The following HSPG2 variants were observed in gnomAD, a reference collection of about 807,000 sequenced individuals.
HSPG2 encodes basement membrane-specific heparan sulfate proteoglycan core protein.
In HSPG2, 278 loss-of-function variants were observed where a neutral mutation model predicts 526.6. The ratio of observed to expected loss-of-function variants is 0.53; its 90% CI spans 0.48 to 0.58. HSPG2 has a LOEUF of 0.58. Among genes scored for constraint, HSPG2 ranks in the 20% least tolerant of loss-of-function variants. The pLI is 0.00. For missense variants in HSPG2, 5,354 were observed against 6,099.5 expected (o/e 0.88, Z 4.07); for synonymous variants, 2,465 against 2,555.4 (o/e 0.96, Z 1.07).
chr1:21,853,993 C>T lies in HSPG2; in HGVS notation c.6439+200G>A, dbSNP rs1257445841. ...TTCCTGACAAATTCTGAAACAGTCA[C>T]TCATAGGGAGCCCAGGTAAGCTGGA... On this transcript the variant is annotated intron_variant, in intron 50 of 96. Coordinates refer to ENST00000374695, the MANE Select transcript of HSPG2 (RefSeq NM_005529.7). 7.2e-5 allele frequency among the ~76,000 whole-genome samples: 11 copies of T among 152,128 alleles called. 1 individual carries two copies. The highest frequency in any genetic ancestry group is 2.7e-4 in the African/African-American group (11 of 41,422).
intron 74 of HSPG2, 107 bp downstream of exon 74, chr1:21,838,718 A>G: frequency 8.3e-7 from 1 of 1,197,888 alleles, no homozygotes; most frequent in Non-Finnish European, 1.2e-6. Context: ...AGGGCATTCC[A>G]GGTGGGGTTA....
rs765831159 is a variant in HSPG2, at chr1:21,828,034, T to C, written c.12528A>G (p.Gln4176=). 4.3e-6 allele frequency: 7 copies of C among 1,613,588 alleles called. No homozygotes were observed. Among genetic ancestry groups the C allele is most frequent in the South Asian group, 1.1e-5 (1 of 91,078 alleles). ...AGAGAAGCCAGGCCTGGGTACCTTG[T>C]TGGCAGCGTGGGCCAGAGAAGCCAG... ...CLPGFSGPRC[Q]QGSGHGIAES... Residue 4176 remains glutamine (Q), a synonymous_variant, in exon 90 of 97, where the codon CAA becomes CAG. Transcript: ENST00000374695. The surrounding 1 kb of genome is among the most constrained non-coding windows in gnomAD (Gnocchi z 6.0).
Position 21,822,304 on chromosome 1 carries a change from C to A in HSPG2, c.*1012G>T. ...GACAAAGACCACAGGAGGGTCCCTTCTAGGACACAGAGGCCAGGCGTCCCA... is the reference window on the plus strand; with the variant it reads ...GACAAAGACCACAGGAGGGTCCCTTATAGGACACAGAGGCCAGGCGTCCCA... On this transcript the variant is annotated 3_prime_UTR_variant, in exon 97 of 97. Coordinates refer to ENST00000374695, the MANE Select transcript of HSPG2 (RefSeq NM_005529.7). 1 of 1,399,600 alleles carries A rather than the reference C, an allele frequency of 7.1e-7. No homozygotes were observed. The highest frequency in any genetic ancestry group is 1.0e-6 in the Non-Finnish European group (1 of 989,530). The allele number at this position is 1,399,600 out of a possible 1,614,324, so 86.7% of individuals were successfully genotyped here. A position where few individuals can be genotyped will look rare whatever the true frequency, so the allele number is the denominator to read the frequency against.
chr1:21,825,934 C>T (rs1298680816), intron 91 of HSPG2, among the ~76,000 whole-genome samples: 1 of 151,934 alleles, frequency 6.6e-6, no homozygotes. Context: ...TACAGGTGTG[C>T]ACCACCACAC....
intron 1 of HSPG2, among the ~76,000 whole-genome samples, chr1:21,929,495 C>T (rs755168443): frequency 2.6e-4 from 39 of 151,968 alleles, no homozygotes; most frequent in Non-Finnish European, 4.9e-4. Context: ...GCAACCTCCA[C>T]CTCCTGGGCT....
chr1:21,848,937 G>A lies in HSPG2; in HGVS notation c.7541C>T (p.Ala2514Val), dbSNP rs1286620969. The change falls in exon 58 of 97, where the codon GCC becomes GTC. Residue 2514 changes from alanine to valine, a missense_variant. By Grantham distance (64) the Ala-to-Val change is moderately conservative. Coordinates refer to ENST00000374695, the MANE Select transcript of HSPG2 (RefSeq NM_005529.7). The surrounding 1 kb of genome is among the most constrained non-coding windows in gnomAD (Gnocchi z 4.9). ...RVVGSSGTQE[A>V]SVLVTIQQRL... ...CTGCTGGATGGTGACAAGGACTGAG[G>A]CTTCCTGGGTACCTGAGCTGCCGAC... The A allele has an allele frequency of 6.2e-7, 1 of 1,613,940 alleles. No individual in the cohort carries two copies. The highest frequency in any genetic ancestry group is 8.5e-7 in the Non-Finnish European group (1 of 1,179,994).
In HSPG2 at chr1:21,831,674, G is replaced by A. The variant is rs753507671; in HGVS notation, c.11330C>T (p.Ala3777Val). ...CACCTGGGAGGTCCCATTGACCGGG[G>A]CCAGGTCACCCACAATCAGGGAGCC... ...TQGSLIVGDLAPVNGTSQGKF... is the reference protein window; with the variant it reads ...TQGSLIVGDLVPVNGTSQGKF... The change falls in exon 82 of 97, where the codon GCC becomes GTC. Residue 3777 changes from alanine (A) to valine (V), a missense_variant. By Grantham distance (64) the Ala-to-Val change is moderately conservative. Transcript: ENST00000374695. 6 of 1,606,254 alleles carry A rather than the reference G, an allele frequency of 3.7e-6. No homozygotes were observed. The East Asian group carries it at 6.7e-5, about 18-fold the overall frequency.
rs1639534888 is a variant in HSPG2, at chr1:21,858,690, T to C, written c.5293+876A>G. On this transcript the variant is annotated intron_variant, in intron 42 of 96. Transcript: ENST00000374695. This position sits in a 1 kb window ranked among gnomAD's most constrained non-coding sequence, Gnocchi z 4.2. The stretch of plus-strand genomic sequence containing the variant: ...ACGCTTCCCACCCCCCGTGCCCACC[T>C]GCCTGACTTCTGCCAGCCACTGCAC... Among the ~76,000 whole-genome samples the C allele has an allele frequency of 6.6e-6, 1 of 152,264 alleles. No individual in the cohort carries two copies. The highest frequency in any genetic ancestry group is 2.4e-5 in the African/African-American group (1 of 41,470).
chr1:21,920,082 T>G (rs1643994004), intron 1 of HSPG2, among the ~76,000 whole-genome samples: 2 of 152,212 alleles, frequency 1.3e-5, no homozygotes, highest in South Asian at 2.1e-4. Context: ...AATTTTCATA[T>G]TTTTAGCAGA....
Position 21,884,805 on chromosome 1 carries a change from C to T in HSPG2, c.1469G>A (p.Gly490Asp), listed in dbSNP as rs1641765375. Residue 490 changes from glycine (G) to aspartate (D), a missense_variant, in exon 12 of 97, where the codon GGC becomes GAC. Gly to Asp is a moderately conservative substitution (Grantham distance 94, BLOSUM62 -1). Coordinates refer to ENST00000374695, the MANE Select transcript of HSPG2 (RefSeq NM_005529.7). ...GAGCTCAAGGACACCGTCAGGAATG[C>T]CAAACACCATGCCCCGGGCGTTCAT... ...EAMNARGMVFGIPDGVLELVP... is the reference protein window; with the variant it reads ...EAMNARGMVFDIPDGVLELVP... 1 of 1,613,636 alleles carries T rather than the reference C, an allele frequency of 6.2e-7. No homozygotes were observed. The highest frequency in any genetic ancestry group is 1.1e-5 in the South Asian group (1 of 91,088).
rs1364243687 is a variant in HSPG2, at chr1:21,850,441, C to T, written c.7216G>A (p.Val2406Met). 6.2e-6 allele frequency: 10 copies of T among 1,611,606 alleles called. No homozygotes were observed. The highest frequency in any genetic ancestry group is 4.4e-5 in the South Asian group (4 of 90,846). ...ACGGAGCTGCCCAACACTCGGCACA[C>T]GTACTCGCCCGAGTCGGCGGGGGAC... ...QASPADSGEY[V>M]CRVLGSSVPL... Residue 2406 changes from valine (V) to methionine (M), a missense_variant, in exon 56 of 97, where the codon GTG becomes ATG. Transcript: ENST00000374695.
In HSPG2 at chr1:21,851,859, G is replaced by T. The variant is rs1443439882; in HGVS notation, c.6938C>A (p.Ala2313Asp). 6.2e-7 allele frequency: 1 copy of T among 1,613,278 alleles called. No individual in the cohort carries two copies. ...GATGGAGGCCTCCATGCCGTTGCTG[G>T]CCCGGCAGACGTACTGTCCCGCATC... ...PADAGQYVCRASNGMEASITV... is the reference protein window; with the variant it reads ...PADAGQYVCRDSNGMEASITV... The change falls in exon 54 of 97, where the codon GCC becomes GAC. Residue 2313 changes from alanine to aspartate, a missense_variant. Physicochemically the swap from Ala to Asp is moderately radical, Grantham distance 126. Transcript: ENST00000374695.
In HSPG2 at chr1:21,839,032, T is replaced by C. The variant is rs2098038224; in HGVS notation, c.9943A>G (p.Thr3315Ala). 6.2e-7 allele frequency: 1 copy of C among 1,602,714 alleles called. No homozygotes were observed. The highest frequency in any genetic ancestry group is 1.3e-5 in the African/African-American group (1 of 74,790). Residue 3315 changes from threonine (T) to alanine (A), a missense_variant, in exon 74 of 97, where the codon ACG becomes GCG. Physicochemically the swap from Thr to Ala is moderately conservative, Grantham distance 58 (BLOSUM62 0). Coordinates refer to ENST00000374695, the MANE Select transcript of HSPG2 (RefSeq NM_005529.7). The surrounding 1 kb of genome is among the most constrained non-coding windows in gnomAD (Gnocchi z 4.5). The part of the protein sequence containing the change: ...PEHASVQAGE[T>A]VQLQCLAHGT... ...TGAGCCAGGCACTGGAGCTGCACCG[T>C]CTCCCCTGCCTGCACCGAAGCGTGC...
rs1204301058 is a variant in HSPG2, at chr1:21,921,911, T to A, written c.63+15244A>T. 2.0e-5 allele frequency among the ~76,000 whole-genome samples: 3 copies of A among 152,056 alleles called. No homozygotes were observed. In the East Asian group the frequency reaches 5.8e-4, roughly 29 times the overall value. ...CACACTCCTTCCCACCTTGCTCCCC[T>A]CCCAACATTATGAAGATCCCATAAG... On this transcript the variant is annotated intron_variant, in intron 1 of 96. Coordinates refer to ENST00000374695, the MANE Select transcript of HSPG2 (RefSeq NM_005529.7).
intron 1 of HSPG2, among the ~76,000 whole-genome samples, chr1:21,905,171 CCACACACACA>C (rs759299090): frequency 1.2e-5 from 1 of 81,818 alleles, no homozygotes; most frequent in Non-Finnish European, 3.0e-5. Context: ...CACCACCCAC[CCACACACACA>C]CACACACACA....
intron 30 of HSPG2, 29 bp downstream of exon 30, chr1:21,873,345 GA>G (rs751149445): frequency 1.2e-6 from 2 of 1,613,468 alleles, no homozygotes; most frequent in Non-Finnish European, 8.5e-7. Flanking sequence ...TGGGTAACCC[GA>G]CCCCAATGAC....
In HSPG2 at chr1:21,895,938, G is replaced by A. The variant is rs748426323; in HGVS notation, c.228C>T (p.Ser76=). The A allele has an allele frequency of 2.0e-5, 33 of 1,613,870 alleles. No homozygotes were observed. Among genetic ancestry groups the A allele is most frequent in the Admixed American group, 1.0e-4 (6 of 59,996 alleles). ...GDDLGSGDLG[S]GDFQMVYFRA... is the part of the protein sequence containing the mutation. ...GCAACTTACCCATCTGGAAGTCCCC[G>A]CTGCCCAGGTCCCCACTGCCCAGGT... is the stretch of plus-strand genomic sequence containing the variant. Residue 76 remains serine (S), a synonymous_variant, in exon 3 of 97, where the codon AGC becomes AGT. Coordinates refer to ENST00000374695, the MANE Select transcript of HSPG2 (RefSeq NM_005529.7). This position sits in a 1 kb window ranked among gnomAD's most constrained non-coding sequence, Gnocchi z 4.1.
rs1444020977 is a variant in HSPG2, at chr1:21,872,506, G to C, written c.4029+114C>G. On this transcript the variant is annotated intron_variant, in intron 32 of 96. Coordinates refer to ENST00000374695, the MANE Select transcript of HSPG2 (RefSeq NM_005529.7). The surrounding 1 kb of genome is among the most constrained non-coding windows in gnomAD (Gnocchi z 5.5). ...ATCAGGACTGCGAGAGAAATAATGG[G>C]GGCATGTGAGGGTACTGAGGCGGGG... 4.6e-5 allele frequency: 64 copies of C among 1,406,180 alleles called. No homozygotes were observed. In the Admixed American group the frequency reaches 1.2e-3, roughly 26 times the overall value. The allele number at this position is 1,406,180 out of a possible 1,614,324, so 87.1% of individuals were successfully genotyped here. A position where few individuals can be genotyped will look rare whatever the true frequency, so the allele number is the denominator to read the frequency against.
In HSPG2 at chr1:21,828,238, T is replaced by G. The variant is rs781384600; in HGVS notation, c.12409+17A>C. The G allele has an allele frequency of 1.2e-6, 2 of 1,613,378 alleles. No individual in the cohort carries two copies. The highest frequency in any genetic ancestry group is 3.3e-5 in the Admixed American group (2 of 60,020). ...CCTGTGCCCCTCCCCTCCGGTGCCC[T>G]GGGCAGGCTTTCCCACCTTTGAATC... is the stretch of plus-strand genomic sequence containing the variant. On this transcript the variant is annotated intron_variant, in intron 89 of 96. Transcript: ENST00000374695. This position sits in a 1 kb window ranked among gnomAD's most constrained non-coding sequence, Gnocchi z 6.0.
Sources: allele counts gnomAD v4.1 joint callset (sites outside exome capture counted in the v4.1 genomes callset), GRCh38; gene constraint gnomAD v4.1.1; non-coding constraint Gnocchi (gnomAD v3.1); transcripts MANE v1.5; gene names NCBI Gene and HGNC (gene_info 2026-07-23, HGNC 2026-07-21).